SPTAN1: variants seen among roughly 807,000 people sequenced by gnomAD.
SPTAN1 encodes spectrin alpha, non-erythrocytic 1, also known as spectrin alpha chain, non-erythrocytic 1.
A neutral mutation model predicts 331.3 loss-of-function variants in SPTAN1; 61 were observed. The observed-to-expected ratio is 0.18, with a 90% CI of 0.15 to 0.23. The LOEUF is 0.23. Among genes scored for constraint, SPTAN1 ranks in the 10% least tolerant of loss-of-function variants. SPTAN1 has a pLI of 1.00. For missense variants in SPTAN1, 2,043 were observed against 3,147.9 expected, an observed-to-expected ratio of 0.65 and a Z score of 8.40; for synonymous variants, 1,153 against 1,173.9, an observed-to-expected ratio of 0.98 and a Z score of 0.36.
chr9:128,555,495 G>T, intron 1 of SPTAN1: 1 of 1,015,958 alleles, frequency 9.8e-7, no homozygotes, highest in South Asian at 1.5e-5. Context: ...ATGATCCAAA[G>T]AAAGGGGGAA....
intron 3 of SPTAN1, 103 bp from the exon 4 acceptor site, chr9:128,574,572 T>C (rs544415266): frequency 8.9e-5 from 119 of 1,334,136 alleles, no homozygotes; most frequent in Non-Finnish European, 1.2e-4. Flanking sequence ...AATATTTTTA[T>C]TCAGCGCTCC....
At chr9:128,611,950 T>C in intron 38 of SPTAN1, 105 bp downstream of exon 38, 1 of 1,603,312 alleles carries the variant, frequency 6.2e-7, no homozygotes, top group Non-Finnish European at 8.5e-7. Flanking sequence ...AAATGGATTA[T>C]AGAAGACTTT....
chr9:128,608,624 C>T (rs1856204581), intron 34 of SPTAN1, among the ~76,000 whole-genome samples: 1 of 152,194 alleles, frequency 6.6e-6, no homozygotes, highest in South Asian at 2.1e-4. Context: ...TTGTTCTGTT[C>T]TGATATTCTA....
In SPTAN1 at chr9:128,633,079, C is replaced by T. The variant is rs1382404932; in HGVS notation, c.7308+124C>T. 4 of 1,590,346 alleles carry T rather than the reference C, an allele frequency of 2.5e-6. No homozygotes were observed. In the Admixed American group the frequency reaches 6.7e-5, roughly 27 times the overall value. On this transcript the variant is annotated intron_variant, in intron 56 of 56. Transcript: ENST00000372739. ...ATTCTCCCCATTTACAAATCAAACTCAGTATGGACAGAAGTCCCGGATCTG... is the reference window on the plus strand; with the variant it reads ...ATTCTCCCCATTTACAAATCAAACTTAGTATGGACAGAAGTCCCGGATCTG...
At chr9:128,632,016 C>G in intron 52 of SPTAN1, 111 bp from the exon 53 acceptor site, 1 of 1,094,966 alleles carries the variant, frequency 9.1e-7, no homozygotes, top group South Asian at 1.4e-5. Context: ...TCTTGTTTTA[C>G]GAGGTCTCAG....
chr9:128,577,484 G>A lies in SPTAN1; in HGVS notation c.1063G>A (p.Ala355Thr). 4 of 1,614,048 alleles carry A rather than the reference G, an allele frequency of 2.5e-6. No individual in the cohort carries two copies. Among genetic ancestry groups the A allele is most frequent in the Non-Finnish European group, 3.4e-6 (4 of 1,180,044 alleles). Residue 355 changes from alanine to threonine, a missense_variant, in exon 8 of 57, where the codon GCA (alanine) becomes ACA (threonine). Ala to Thr is a moderately conservative substitution (Grantham distance 58). This residue lies in a region of SPTAN1 where 1,038 missense variants were observed against 1,531.5 expected (regional missense o/e 0.68). Transcript: ENST00000372739. The surrounding 1 kb of genome is among the most constrained non-coding windows in gnomAD (Gnocchi z 4.2). ...CCGCACCTTGGCGGCAGAGAGACATGCACGGCTCAATGATTCATACAGGTG... is the reference window on the plus strand; with the variant it reads ...CCGCACCTTGGCGGCAGAGAGACATACACGGCTCAATGATTCATACAGGTG... ...QIRTLAAERHARLNDSYRLQR... is the reference protein window; with the variant it reads ...QIRTLAAERHTRLNDSYRLQR...
intron 25 of SPTAN1, 146 bp from the exon 26 acceptor site, chr9:128,598,817 T>A: frequency 1.3e-6 from 1 of 752,850 alleles, no homozygotes; most frequent in Non-Finnish European, 2.3e-6. Context: ...ATATAAATAC[T>A]TGAAGCTCTG....
At chr9:128,611,519 C>A in intron 37 of SPTAN1, 195 bp from the exon 38 acceptor site, 2 of 634,638 alleles carry the variant, frequency 3.2e-6, no homozygotes, top group Non-Finnish European at 2.8e-6. Flanking sequence ...ACATTTCCTT[C>A]CTCCTTTGCT....
chr9:128,585,215 G>A (rs891278950), intron 18 of SPTAN1, among the ~76,000 whole-genome samples: 3 of 151,930 alleles, frequency 2.0e-5, no homozygotes, highest in African/African-American at 7.3e-5. Context: ...TTTTAATAGA[G>A]ACAGGGTTTC....
chr9:128,618,691 G>C (rs1239481363), intron 43 of SPTAN1, among the ~76,000 whole-genome samples, 180 bp from the exon 44 acceptor site: 2 of 152,086 alleles, frequency 1.3e-5, no homozygotes, highest in Non-Finnish European at 2.9e-5. Flanking sequence ...CACCGTCTTA[G>C]CCAGGATGGT....
rs376751145 is a variant in SPTAN1, at chr9:128,581,073, A to C, written c.1461+14A>C. ...AGCAAGCAGGAGGTAATCTGTGAGC[A>C]AAGCCTTGCCAGTGGTGGGAGAAGA... is the stretch of plus-strand genomic sequence containing the variant. On this transcript the variant is annotated intron_variant, in intron 11 of 56. Coordinates refer to ENST00000372739, the MANE Select transcript of SPTAN1 (RefSeq NM_001130438.3). The C allele has an allele frequency of 3.4e-5, 55 of 1,613,826 alleles. 1 individual carries two copies. The East Asian group carries it at 8.5e-4, about 25-fold the overall frequency.
In SPTAN1 at chr9:128,581,772, C is replaced by CTTTG. The variant is rs1564221071; in HGVS notation, c.1462-9_1462-6dup. On this transcript the variant is annotated splice_polypyrimidine_tract_variant and intron_variant, in intron 11 of 56. Transcript: ENST00000372739. Reference sequence around the variant, plus strand: ...GACATTATTCTGAACACTTTGTTTCCTTTGGCAAGGCGTTCCTGTTGAATG... The same window carrying CTTTG: ...GACATTATTCTGAACACTTTGTTTCCTTTGTTTGGCAAGGCGTTCCTGTTGAATG... 3 of 1,608,054 alleles carry CTTTG rather than the reference C, an allele frequency of 1.9e-6. No individual in the cohort carries two copies.
chr9:128,610,661 A>G (rs1037434554), intron 37 of SPTAN1, among the ~76,000 whole-genome samples: 20 of 152,118 alleles, frequency 1.3e-4, no homozygotes, highest in Admixed American at 3.3e-4. Context: ...TGTCCTTGCA[A>G]TTGTCTCTTG....
chr9:128,630,597 T>C (rs1377453897), intron 52 of SPTAN1: 16 of 502,404 alleles, frequency 3.2e-5, no homozygotes, highest in African/African-American at 2.1e-4. Flanking sequence ...TGGTGCGATA[T>C]TGGCTCACTG....
chr9:128,599,925 T>TC (rs1854866678), intron 26 of SPTAN1, 155 bp from the exon 27 acceptor site: 1 of 785,188 alleles, frequency 1.3e-6, no homozygotes, highest in South Asian at 1.5e-5. Context: ...TGTAGTTTGT[T>TC]ACCAGCCAAA....
At chr9:128,556,831 A>T (rs1259986265) in intron 1 of SPTAN1, among the ~76,000 whole-genome samples, 1 of 152,220 alleles carries the variant, frequency 6.6e-6, no homozygotes, top group Non-Finnish European at 1.5e-5. Context: ...CAAATCTGCC[A>T]CTAAAATCTG....
rs371231421 is a variant in SPTAN1, at chr9:128,587,697, G to A, written c.2870G>A (p.Arg957Gln). 1.9e-6 allele frequency: 3 copies of A among 1,613,956 alleles called. No individual in the cohort carries two copies. Among genetic ancestry groups the A allele is most frequent in the African/African-American group, 1.3e-5 (1 of 75,042 alleles). The change falls in exon 20 of 57, where the codon CGG (arginine) becomes CAG (glutamine). Residue 957 changes from arginine (R) to glutamine (Q), a missense_variant and splice_region_variant. By Grantham distance (43) the Arg-to-Gln change is conservative. Around this residue, in one of 12 missense-constraint regions of SPTAN1, gnomAD observed 1,038 missense variants for 1,531.5 expected, o/e 0.68. Transcript: ENST00000372739. ...QALREQAQSC[R>Q]QQVAPTDDET... is the part of the protein sequence containing the mutation. ...TTGCGAGAACAAGCACAGTCCTGCC[G>A]GGTAAACTTGTAACAGTTTATGGGT...
chr9:128,611,670 C>T, intron 37 of SPTAN1, 44 bp from the exon 38 acceptor site: 1 of 1,610,646 alleles, frequency 6.2e-7, no homozygotes, highest in African/African-American at 1.3e-5. Context: ...AAAGACATAA[C>T]CTAGCAGGAA....
chr9:128,607,109 G>C (rs1855997381), intron 31 of SPTAN1, among the ~76,000 whole-genome samples: 1 of 152,050 alleles, frequency 6.6e-6, no homozygotes, highest in African/African-American at 2.4e-5. Flanking sequence ...TGAGAAACTG[G>C]ATCAAATGTA....
Sources: gnomAD v4.1 joint callset for allele counts (sites outside exome capture counted in the v4.1 genomes callset) on GRCh38, gnomAD v4.1.1 for gene constraint, gnomAD v4.1.1 regional missense constraint, Gnocchi (gnomAD v3.1) non-coding constraint, MANE v1.5 for transcripts, NCBI Gene and HGNC (gene_info 2026-07-23, HGNC 2026-07-21) for gene names.